The following LRRC4C variants were observed in gnomAD, a reference collection of about 807,000 sequenced individuals.
The protein encoded by LRRC4C is leucine rich repeat containing 4C.
LRRC4C carries 5 observed loss-of-function variants against 33.6 expected under a neutral mutation model. That is an observed-to-expected ratio of 0.15 (90% CI 0.08 to 0.31). The LOEUF (loss-of-function observed/expected upper bound fraction) is 0.31, where lower values mean the gene tolerates loss of function less well. Ranked by LOEUF, LRRC4C falls within the 10% of genes least tolerant of loss-of-function variation. The probability of loss-of-function intolerance (pLI) is 1.00; values close to 1 mark genes in which losing one functional copy is unlikely to be tolerated. For missense variants in LRRC4C, 560 were observed against 796.7 expected (o/e 0.70, Z 3.58); for synonymous variants, 329 against 302.0 (o/e 1.09, Z -0.93).
At chr11:40,901,133 T>TTCACAAGA (rs1246851877) in intron 2 of LRRC4C, among the ~76,000 whole-genome samples, 4 of 152,084 alleles carry the variant, frequency 2.6e-5, no homozygotes, top group South Asian at 2.1e-4. Flanking sequence ...CGGTACACAT[T>TTCACAAGA]TCACAAACTG....
chr11:41,096,614 T>C (rs1940825426), intron 1 of LRRC4C, among the ~76,000 whole-genome samples: 1 of 151,926 alleles, frequency 6.6e-6, no homozygotes, highest in South Asian at 2.1e-4. Flanking sequence ...AAAAAGGAGA[T>C]AGGGAGTAAG....
intron 1 of LRRC4C, among the ~76,000 whole-genome samples, chr11:40,999,703 A>G (rs1351512609): frequency 6.6e-6 from 1 of 152,180 alleles, no homozygotes; most frequent in East Asian, 1.9e-4. Flanking sequence ...TATGCTGGAC[A>G]CTATGTGAGT....
chr11:40,808,267 A>G (rs1951336930), intron 2 of LRRC4C, among the ~76,000 whole-genome samples: 1 of 151,982 alleles, frequency 6.6e-6, no homozygotes, highest in African/African-American at 2.4e-5. Flanking sequence ...TATACTTTCT[A>G]TCTTGATTTT....
chr11:41,190,407 C>G (rs1420423757), intron 1 of LRRC4C, among the ~76,000 whole-genome samples: 2 of 152,106 alleles, frequency 1.3e-5, no homozygotes, highest in Middle Eastern at 3.2e-3. Context: ...AGAATCCAAG[C>G]ATTTGCAGGA....
chr11:41,166,071 A>T (rs188351577), intron 1 of LRRC4C, among the ~76,000 whole-genome samples: 5 of 151,954 alleles, frequency 3.3e-5, no homozygotes, highest in Admixed American at 3.3e-4. Flanking sequence ...GTGTGTGTCC[A>T]GTTCTAGCTT....
chr11:41,087,556 T>C (rs1940097638), intron 1 of LRRC4C, among the ~76,000 whole-genome samples: 1 of 152,108 alleles, frequency 6.6e-6, no homozygotes, highest in Admixed American at 6.6e-5. Context: ...TTTGAATTCC[T>C]GGCCTCAAGC....
At chr11:40,468,321 T>C (rs1301875068) in intron 3 of LRRC4C, among the ~76,000 whole-genome samples, 2 of 152,198 alleles carry the variant, frequency 1.3e-5, no homozygotes, top group Non-Finnish European at 2.9e-5. Flanking sequence ...GATGTTGTAG[T>C]CTGGAGTCCA....
intron 1 of LRRC4C, among the ~76,000 whole-genome samples, chr11:41,028,990 A>G (rs545489213): frequency 2.0e-5 from 3 of 151,838 alleles, no homozygotes; most frequent in African/African-American, 7.2e-5. Context: ...ACATTCACGT[A>G]TATATGTCTT....
chr11:40,793,814 T>A (rs1000326318), intron 2 of LRRC4C, among the ~76,000 whole-genome samples: 1 of 152,242 alleles, frequency 6.6e-6, no homozygotes, highest in Non-Finnish European at 1.5e-5. Context: ...TTCTTTGTGC[T>A]TTTATGTACT....
intron 4 of LRRC4C, among the ~76,000 whole-genome samples, chr11:40,252,200 C>T (rs1565188892): frequency 6.6e-6 from 1 of 151,840 alleles, no homozygotes; most frequent in Non-Finnish European, 1.5e-5. Context: ...ACACACAACC[C>T]TAGCACACAT....
At chr11:41,427,690 G>A (rs1355248872) in intron 1 of LRRC4C, among the ~76,000 whole-genome samples, 3 of 152,120 alleles carry the variant, frequency 2.0e-5, no homozygotes, top group Non-Finnish European at 4.4e-5. Flanking sequence ...CTGAGCCCAA[G>A]CTAAGCCATC....
chr11:41,232,836 A>G (rs1046330222), intron 1 of LRRC4C, among the ~76,000 whole-genome samples: 3 of 151,960 alleles, frequency 2.0e-5, no homozygotes, highest in African/African-American at 7.2e-5. Context: ...AAGAACAATT[A>G]GCAATTTTGT....
intron 4 of LRRC4C, among the ~76,000 whole-genome samples, chr11:40,251,844 C>A (rs1340414325): frequency 6.6e-6 from 1 of 152,164 alleles, no homozygotes; most frequent in Non-Finnish European, 1.5e-5. Flanking sequence ...TGTGACACAG[C>A]AAAGAACACA....
rs373312937 is a variant in LRRC4C, at chr11:41,339,576, C to T, written c.-496+119855G>A. ...ATAGGAGTCATTTCTTCAGCACCCT[C>T]TGCCCAGTTTAATTTCCATGGGAAC... is the stretch of plus-strand genomic sequence containing the variant. On this transcript the variant is annotated intron_variant, in intron 1 of 6. Coordinates refer to ENST00000528697, the MANE Select transcript of LRRC4C (RefSeq NM_001258419.2). Among the ~76,000 whole-genome samples, 125 of 152,304 alleles carry T rather than the reference C, an allele frequency of 8.2e-4. 2 individuals carry two copies. In the South Asian group the frequency reaches 0.025, roughly 31 times the overall value.
intron 1 of LRRC4C, among the ~76,000 whole-genome samples, chr11:41,191,190 A>G (rs924168402): frequency 2.0e-5 from 3 of 152,162 alleles, no homozygotes; most frequent in African/African-American, 7.2e-5. Context: ...TCTATTTTGA[A>G]TTAGGGCAGA....
chr11:40,440,913 T>C (rs1028063190), intron 3 of LRRC4C, among the ~76,000 whole-genome samples: 1 of 152,034 alleles, frequency 6.6e-6, no homozygotes, highest in East Asian at 1.9e-4. Flanking sequence ...ATAGGTTTGC[T>C]CTTATTTCCT....
At chr11:40,438,976 C>G (rs61886172) in intron 3 of LRRC4C, among the ~76,000 whole-genome samples, 52,136 of 140,632 alleles carry the variant, frequency 0.37, 10,486 homozygotes, top group East Asian at 0.52. Flanking sequence ...TGTCGCCCAG[C>G]CTGGAGTGCA....
intron 1 of LRRC4C, among the ~76,000 whole-genome samples, chr11:41,454,251 A>T (rs922804235): frequency 5.3e-5 from 8 of 152,090 alleles, no homozygotes; most frequent in Non-Finnish European, 1.0e-4. Flanking sequence ...ATCTTTTCTG[A>T]TATGTTCTTG....
In LRRC4C at chr11:41,178,634, G is replaced by T. The variant is rs556930626; in HGVS notation, c.-495-244911C>A. 2.0e-5 allele frequency among the ~76,000 whole-genome samples: 3 copies of T among 152,162 alleles called. No individual in the cohort carries two copies. In the East Asian group the frequency reaches 5.8e-4, roughly 29 times the overall value. ...AGCCTCCCAAAATGCTGAGTTTATA[G>T]GCATGAACCACGTTGCCTAGCCCCA... On this transcript the variant is annotated intron_variant, in intron 1 of 6. Coordinates refer to ENST00000528697, the MANE Select transcript of LRRC4C (RefSeq NM_001258419.2).
Sources: allele counts gnomAD v4.1 joint callset (sites outside exome capture counted in the v4.1 genomes callset), GRCh38; gene constraint gnomAD v4.1.1; transcripts MANE v1.5; gene names NCBI Gene and HGNC (gene_info 2026-07-23, HGNC 2026-07-21).